Variants in EVC2 observed in about 807,000 individuals in gnomAD.
EVC2 encodes EvC ciliary complex subunit 2, also known as limbin.
EVC2 carries 148 observed loss-of-function variants against 149.3 expected under a neutral mutation model. That is an observed-to-expected ratio of 0.99 (90% CI 0.87 to 1.14). The LOEUF (loss-of-function observed/expected upper bound fraction) is 1.14, where lower values mean the gene tolerates loss of function less well. Among genes scored for constraint, EVC2 ranks in the 50% most tolerant of loss-of-function variants. The pLI, the probability that EVC2 is intolerant of heterozygous loss-of-function variation, is 0.00. For synonymous variants in EVC2, 776 were observed against 649.9 expected (o/e 1.19, Z -2.95); for missense variants, 1,854 against 1,627.3 (o/e 1.14, Z -2.40).
chr4:5,623,036 G>A (rs1715838266), intron 13 of EVC2, 45 bp from the exon 14 acceptor site: 1 of 1,586,638 alleles, frequency 6.3e-7, no homozygotes, highest in Non-Finnish European at 8.6e-7. Context: ...GGGCTTGGCG[G>A]GTACAGTCCT....
intron 16 of EVC2, among the ~76,000 whole-genome samples, chr4:5,605,576 A>T (rs1195917069): frequency 1.3e-5 from 2 of 152,238 alleles, no homozygotes; most frequent in African/African-American, 4.8e-5. Flanking sequence ...CATGAACCAC[A>T]TAATTTGTGC....
intron 16 of EVC2, among the ~76,000 whole-genome samples, chr4:5,605,505 AG>A (rs1714321646): frequency 6.6e-6 from 1 of 152,136 alleles, no homozygotes; most frequent in Non-Finnish European, 1.5e-5. Flanking sequence ...ATGGATGGAT[AG>A]ATAAGATAGA....
chr4:5,624,920 T>C (rs16837510), intron 13 of EVC2, among the ~76,000 whole-genome samples: 5,237 of 152,216 alleles, frequency 0.034, 236 homozygotes, highest in African/African-American at 0.11. Context: ...GCATGTCCCA[T>C]ACATTCCCTG....
chr4:5,690,265 C>CACAGGAAAGG (rs1721025618), intron 4 of EVC2, among the ~76,000 whole-genome samples: 1 of 152,182 alleles, frequency 6.6e-6, no homozygotes, highest in Non-Finnish European at 1.5e-5. Flanking sequence ...ATGAGGGTGG[C>CACAGGAAAGG]ACAGGAAAGG....
chr4:5,634,805 T>C (rs1420671130), intron 10 of EVC2, among the ~76,000 whole-genome samples: 1 of 151,890 alleles, frequency 6.6e-6, no homozygotes, highest in African/African-American at 2.4e-5. Context: ...GAGGTCATGT[T>C]TCCAAATGAG....
At chr4:5,598,261 G>T (rs1424714965) in intron 16 of EVC2, among the ~76,000 whole-genome samples, 4 of 151,922 alleles carry the variant, frequency 2.6e-5, no homozygotes, top group Non-Finnish European at 5.9e-5. Flanking sequence ...GCATCGCCAA[G>T]TCAATCCTAA....
rs1420641123 is a variant in EVC2, at chr4:5,614,264, A to G, written c.2829+1158T>C. Among the ~76,000 whole-genome samples the G allele has an allele frequency of 6.6e-6, 1 of 152,152 alleles. No individual in the cohort carries two copies. Among genetic ancestry groups the G allele is most frequent in the Non-Finnish European group, 1.5e-5 (1 of 68,034 alleles). On this transcript the variant is annotated intron_variant, in intron 16 of 21. Coordinates refer to ENST00000344408, the MANE Select transcript of EVC2 (RefSeq NM_147127.5). The surrounding 1 kb of genome is among the most constrained non-coding windows in gnomAD (Gnocchi z 4.7). ...CTAATTTCTTTCCTTAATAGCACTG[A>G]TGACAGTCTATCATTTTAAGTGTTT... is the stretch of plus-strand genomic sequence containing the variant.
chr4:5,707,996 G>T (rs572183679), intron 1 of EVC2: 2 of 287,304 alleles, frequency 7.0e-6, no homozygotes, highest in Non-Finnish European at 1.3e-5. Context: ...TGGGGCACAG[G>T]AGTGAACTGC....
At chr4:5,562,028 G>A (rs1195446957), downstream of EVC2, among the ~76,000 whole-genome samples, 2 of 152,154 alleles carry the variant, frequency 1.3e-5, no homozygotes, top group Non-Finnish European at 2.9e-5. This position sits in a 1 kb window ranked among gnomAD's most constrained non-coding sequence, Gnocchi z 4.3. Flanking sequence ...CTGTGTGGAT[G>A]GGAAGGGTCA....
intron 16 of EVC2, among the ~76,000 whole-genome samples, chr4:5,607,253 C>G (rs886509756): frequency 1.3e-5 from 2 of 152,092 alleles, no homozygotes; most frequent in African/African-American, 4.8e-5. Flanking sequence ...GATCTCTCTA[C>G]TCATGAAAAC....
At chr4:5,691,980 G>A (rs1458959308) in intron 3 of EVC2, among the ~76,000 whole-genome samples, 1 of 152,110 alleles carries the variant, frequency 6.6e-6, no homozygotes, top group African/African-American at 2.4e-5. Flanking sequence ...CTGCCCCAGG[G>A]CCCTGCAGTA....
chr4:5,635,967 C>T (rs1369327509), intron 10 of EVC2, among the ~76,000 whole-genome samples: 1 of 152,244 alleles, frequency 6.6e-6, no homozygotes, highest in African/African-American at 2.4e-5. Context: ...CTGTGTTCTA[C>T]ACCACAGGCA....
chr4:5,703,791 A>G (rs564872967), intron 1 of EVC2, among the ~76,000 whole-genome samples: 2 of 152,334 alleles, frequency 1.3e-5, no homozygotes, highest in East Asian at 1.9e-4. Flanking sequence ...CATACCATAT[A>G]TAGTATATTA....
At position 5,621,974 on chromosome 4, in the gene EVC2, G is replaced by A. The variant is rs555138708; in HGVS notation, c.2501+563C>T. 4.6e-5 allele frequency among the ~76,000 whole-genome samples: 7 copies of A among 152,242 alleles called. No homozygotes were observed. In the South Asian group the frequency reaches 1.5e-3, roughly 32 times the overall value. ...ACATGGCTCTTGAATTAATAATAAA[G>A]ATACATAGCCCGAGAAATGGACCAG... On this transcript the variant is annotated intron_variant, in intron 14 of 21. Coordinates refer to ENST00000344408, the MANE Select transcript of EVC2 (RefSeq NM_147127.5).
At position 5,567,894 on chromosome 4, in the gene EVC2, G is replaced by C. The variant is rs1047942381; in HGVS notation, c.3557+550C>G. Among the ~76,000 whole-genome samples, 7 of 152,196 alleles carry C rather than the reference G, an allele frequency of 4.6e-5. No homozygotes were observed. The highest frequency in any genetic ancestry group is 8.8e-5 in the Non-Finnish European group (6 of 68,040). On this transcript the variant is annotated intron_variant, in intron 20 of 21. Transcript: ENST00000344408. The surrounding 1 kb of genome is among the most constrained non-coding windows in gnomAD (Gnocchi z 4.4). ...TAGCAGGAAATAGAATCTAAGTAAT[G>C]GGATAAGAATTACATAGGGGGATGT...
At chr4:5,546,543 C>T (rs7687519) in intron 21 of EVC2, among the ~76,000 whole-genome samples, 17,319 of 151,306 alleles carry the variant, frequency 0.11, 2,039 homozygotes, top group African/African-American at 0.3. Flanking sequence ...GGAAGGGGAA[C>T]ATCACACACC....
rs547873169 is a variant in EVC2 at position 5,616,945 on chromosome 4, G to A, written c.2707-1401C>T. Among the ~76,000 whole-genome samples, 6 of 152,228 alleles carry A rather than the reference G, an allele frequency of 3.9e-5. No homozygotes were observed. In the East Asian group the frequency reaches 5.8e-4, roughly 15 times the overall value. ...CCAGCTTCAAGGCAGGGGAACCAGC[G>A]GCTTATGGACTCCCTCCCCTCGCTT... On this transcript the variant is annotated intron_variant, in intron 15 of 21. Coordinates refer to ENST00000344408, the MANE Select transcript of EVC2 (RefSeq NM_147127.5).
intron 21 of EVC2, among the ~76,000 whole-genome samples, chr4:5,544,273 T>C (rs1721571249): frequency 1.3e-5 from 2 of 152,022 alleles, no homozygotes; most frequent in Non-Finnish European, 2.9e-5. Context: ...GAGAGAAAAT[T>C]CTGTTTTCAC....
chr4:5,674,776 T>C (rs1396497879), intron 7 of EVC2, among the ~76,000 whole-genome samples: 1 of 151,922 alleles, frequency 6.6e-6, no homozygotes, highest in Non-Finnish European at 1.5e-5. Flanking sequence ...CCCTCAAGAA[T>C]AGAAAGCATT....
Sources: allele counts gnomAD v4.1 joint callset (sites outside exome capture counted in the v4.1 genomes callset), GRCh38; gene constraint gnomAD v4.1.1; non-coding constraint Gnocchi (gnomAD v3.1); transcripts MANE v1.5; gene names NCBI Gene and HGNC (gene_info 2026-07-23, HGNC 2026-07-21).